The following RABGAP1L variants were observed in gnomAD, a reference collection of about 807,000 sequenced individuals.
RABGAP1L encodes the protein rab GTPase-activating protein 1-like.
Under a neutral mutation model 137.7 loss-of-function variants are expected in RABGAP1L, and 63 were observed. The ratio of observed to expected loss-of-function variants is 0.46; its 90% CI spans 0.37 to 0.56. The LOEUF is 0.56. Ranked by LOEUF, RABGAP1L falls within the 20% of genes least tolerant of loss-of-function variation. The pLI, the probability that RABGAP1L is intolerant of heterozygous loss-of-function variation, is 0.00. For synonymous variants in RABGAP1L, 431 were observed against 433.7 expected, an observed-to-expected ratio of 0.99 and a Z score of 0.08; for missense variants, 1,095 against 1,244.0, an observed-to-expected ratio of 0.88 and a Z score of 1.80.
chr1:174,809,847 T>G (rs181436546), intron 18 of RABGAP1L, among the ~76,000 whole-genome samples: 198 of 152,322 alleles, frequency 1.3e-3, no homozygotes, highest in Non-Finnish European at 4.0e-4. Flanking sequence ...CCGTTGATAT[T>G]TTAGTTAGAG....
intron 17 of RABGAP1L, among the ~76,000 whole-genome samples, chr1:174,751,904 T>C (rs1005296905): frequency 6.6e-6 from 1 of 152,216 alleles, no homozygotes; most frequent in African/African-American, 2.4e-5. Flanking sequence ...TGTTTTTTTT[T>C]ATTTTATTCT....
chr1:174,941,353 TAAC>T (rs1665835454), intron 19 of RABGAP1L, among the ~76,000 whole-genome samples: 6 of 152,214 alleles, frequency 3.9e-5, no homozygotes, highest in Admixed American at 3.9e-4. Context: ...AATGAGGAGA[TAAC>T]TACTGTAAAT....
intron 12 of RABGAP1L, among the ~76,000 whole-genome samples, chr1:174,383,732 G>A (rs1457643137): frequency 6.6e-6 from 1 of 152,160 alleles, no homozygotes; most frequent in African/African-American, 2.4e-5. Flanking sequence ...AGATGGAAAT[G>A]CAGAAATCAC....
intron 5 of RABGAP1L, among the ~76,000 whole-genome samples, chr1:174,247,248 T>G (rs989158793): frequency 6.6e-6 from 1 of 152,216 alleles, no homozygotes; most frequent in Non-Finnish European, 1.5e-5. Context: ...TGGCTGGGGT[T>G]TAACTACCAA....
At chr1:174,583,888 G>A (rs1386988870) in intron 13 of RABGAP1L, among the ~76,000 whole-genome samples, 3 of 152,174 alleles carry the variant, frequency 2.0e-5, no homozygotes, top group Non-Finnish European at 4.4e-5. Flanking sequence ...ATTAGAATTA[G>A]CATCACAATT....
intron 13 of RABGAP1L, among the ~76,000 whole-genome samples, chr1:174,635,559 C>T (rs1459131924): frequency 2.0e-5 from 3 of 152,078 alleles, no homozygotes; most frequent in African/African-American, 7.2e-5. Flanking sequence ...CTGCAGTTTT[C>T]TTTATCATTA....
rs542715256 is a variant in RABGAP1L at position 174,210,914 on chromosome 1, A to G, written c.-33-8211A>G. Among the ~76,000 whole-genome samples the G allele has an allele frequency of 1.8e-4, 28 of 152,310 alleles. No homozygotes were observed. The East Asian group carries it at 5.4e-3, about 29-fold the overall frequency. On this transcript the variant is annotated intron_variant, in intron 1 of 25. Transcript: ENST00000681986. ...TGTCAGACTTTTCAGTGGAAACCTT[A>G]TATACCAGAAGAGAGCAGCAGGACA...
At chr1:174,920,308 A>C (rs1224336287) in intron 19 of RABGAP1L, among the ~76,000 whole-genome samples, 2 of 152,222 alleles carry the variant, frequency 1.3e-5, no homozygotes, top group Non-Finnish European at 2.9e-5. Context: ...GTCATGTCTT[A>C]CATGGATGGC....
At chr1:174,529,089 C>A (rs12062483) in intron 13 of RABGAP1L, among the ~76,000 whole-genome samples, 58,317 of 150,554 alleles carry the variant, frequency 0.39, 14,156 homozygotes, top group African/African-American at 0.69. Flanking sequence ...CTTATATCTC[C>A]CTGAGCTTCT....
intron 19 of RABGAP1L, among the ~76,000 whole-genome samples, chr1:174,934,328 T>C (rs768968834): frequency 6.6e-6 from 1 of 152,086 alleles, no homozygotes; most frequent in Non-Finnish European, 1.5e-5. Context: ...CCTCAGGTGA[T>C]CCACCTGCCT....
At chr1:174,975,178 A>C (rs1670540257) in intron 21 of RABGAP1L, among the ~76,000 whole-genome samples, 1 of 152,250 alleles carries the variant, frequency 6.6e-6, no homozygotes, top group Non-Finnish European at 1.5e-5. Flanking sequence ...AGTGATGAGC[A>C]AAAGAGATAT....
chr1:174,268,547 G>T (rs1305493144), intron 7 of RABGAP1L, among the ~76,000 whole-genome samples: 1 of 152,056 alleles, frequency 6.6e-6, no homozygotes, highest in Admixed American at 6.6e-5. Flanking sequence ...GCAAGAGAGC[G>T]TGTTCTTTTC....
intron 5 of RABGAP1L, among the ~76,000 whole-genome samples, chr1:174,247,153 A>G (rs1192950198): frequency 1.3e-5 from 2 of 152,056 alleles, no homozygotes; most frequent in Non-Finnish European, 2.9e-5. Context: ...TTTTTTTGAT[A>G]TGGCCTTCTG....
intron 13 of RABGAP1L, among the ~76,000 whole-genome samples, chr1:174,617,275 G>A (rs1671976755): frequency 6.6e-6 from 1 of 152,150 alleles, no homozygotes; most frequent in Non-Finnish European, 1.5e-5. Flanking sequence ...TACTTCTGGA[G>A]GAAGTATAAT....
intron 19 of RABGAP1L, among the ~76,000 whole-genome samples, chr1:174,929,929 C>T (rs1289498512): frequency 9.3e-4 from 138 of 148,904 alleles, no homozygotes; most frequent in African/African-American, 3.4e-3. Context: ...CAGCTCACTG[C>T]AGCCTCAGCC....
Position 174,994,639 on chromosome 1 carries a change from GA to G in RABGAP1L, c.*4641del, listed in dbSNP as rs1273792368. On this transcript the variant is annotated 3_prime_UTR_variant, in exon 26 of 26. Coordinates refer to ENST00000681986, the MANE Select transcript of RABGAP1L (RefSeq NM_001366446.1). ...TGAATTGTGAGAATATAAATGCATCGAAAGACTCTGGTGTCATGAAAGCACA... is the reference window on the plus strand; with the variant it reads ...TGAATTGTGAGAATATAAATGCATCGAAGACTCTGGTGTCATGAAAGCACA... 6.6e-6 allele frequency: 1 copy of G among 152,078 alleles called. No homozygotes were observed. Among genetic ancestry groups the G allele is most frequent in the Admixed American group, 6.6e-5 (1 of 15,260 alleles). The allele number at this position is 152,078 out of a possible 1,614,324, so 9.4% of individuals were successfully genotyped here.
chr1:174,537,775 AT>A (rs1245190140), intron 13 of RABGAP1L, among the ~76,000 whole-genome samples: 3 of 152,182 alleles, frequency 2.0e-5, no homozygotes, highest in Admixed American at 6.5e-5. Context: ...ATGTATCAAG[AT>A]CTTTTAAAGA....
intron 19 of RABGAP1L, among the ~76,000 whole-genome samples, chr1:174,918,520 C>T (rs372524007): frequency 2.6e-5 from 4 of 152,160 alleles, no homozygotes; most frequent in African/African-American, 7.2e-5. Context: ...TGGTGGCTCA[C>T]GCCTGCAATC....
chr1:174,563,679 G>A (rs1253406693), intron 13 of RABGAP1L, among the ~76,000 whole-genome samples: 4 of 152,174 alleles, frequency 2.6e-5, no homozygotes, highest in Non-Finnish European at 5.9e-5. Context: ...AGGTGTGAAT[G>A]TGTAATAGTT....
Sources: gnomAD v4.1 joint callset for allele counts (sites outside exome capture counted in the v4.1 genomes callset) on GRCh38, gnomAD v4.1.1 for gene constraint, MANE v1.5 for transcripts, NCBI Gene and HGNC (gene_info 2026-07-23, HGNC 2026-07-21) for gene names.